Variants in POLB observed in about 807,000 individuals in gnomAD.
POLB encodes DNA polymerase beta.
POLB carries 37 observed loss-of-function variants against 52.7 expected under a neutral mutation model. The ratio of observed to expected loss-of-function variants is 0.70; its 90% CI spans 0.54 to 0.92. POLB has a LOEUF of 0.92. Among genes scored for constraint, POLB ranks in the 40% least tolerant of loss-of-function variants. The pLI is 0.00. For missense variants in POLB, 313 were observed against 400.8 expected, an observed-to-expected ratio of 0.78 and a Z score of 1.87; for synonymous variants, 138 against 131.3, an observed-to-expected ratio of 1.05 and a Z score of -0.35.
At chr8:42,360,749 TAA>T (rs540293292) in intron 9 of POLB, among the ~76,000 whole-genome samples, 3 of 142,672 alleles carry the variant, frequency 2.1e-5, no homozygotes, top group Non-Finnish European at 3.1e-5. Context: ...GTTTTCTTTT[TAA>T]AAAAAAAAAA....
intron 9 of POLB, 159 bp downstream of exon 9, chr8:42,357,551 T>G (rs930576012): frequency 2.0e-6 from 1 of 507,940 alleles, no homozygotes; most frequent in African/African-American, 2.0e-5. Flanking sequence ...GATGGGAATA[T>G]GTAACTAGGG....
In POLB at chr8:42,342,591, C is replaced by T. The variant is rs1413615493; in HGVS notation, c.120-2362C>T. ...GTCATCTTTAAGTTTCATTTGGTAT[C>T]TCTTAAAGTAGGCCTTATTCTTAAC... On this transcript the variant is annotated intron_variant, in intron 2 of 13. Transcript: ENST00000265421. 3 of 707,888 alleles carry T rather than the reference C, an allele frequency of 4.2e-6. No homozygotes were observed. The Admixed American group carries it at 6.0e-5, about 14-fold the overall frequency. 43.9% of individuals were successfully genotyped at this position (707,888 alleles called of 1,614,324 possible).
At chr8:42,352,988 T>TG (rs1166690645) in intron 6 of POLB, among the ~76,000 whole-genome samples, 6 of 150,806 alleles carry the variant, frequency 4.0e-5, no homozygotes, top group Admixed American at 4.0e-4. Context: ...GCAGGAGAAT[T>TG]GCTTGAACCC....
intron 7 of POLB, among the ~76,000 whole-genome samples, chr8:42,356,873 T>G (rs1211951995): frequency 6.6e-6 from 1 of 152,194 alleles, no homozygotes; most frequent in East Asian, 1.9e-4. Context: ...AACTTAAATA[T>G]ATTTATTTAC....
intron 3 of POLB, among the ~76,000 whole-genome samples, chr8:42,348,115 G>A (rs377527260): frequency 6.6e-6 from 1 of 152,180 alleles, no homozygotes; most frequent in Non-Finnish European, 1.5e-5. Flanking sequence ...CTTTCTGAAG[G>A]CTGCTTTGTC....
intron 9 of POLB, among the ~76,000 whole-genome samples, chr8:42,360,475 A>G (rs1273375086): frequency 2.6e-5 from 4 of 152,194 alleles, no homozygotes; most frequent in African/African-American, 4.8e-5. Flanking sequence ...ATGCTTTTAC[A>G]TATGTTCTTA....
intron 11 of POLB, among the ~76,000 whole-genome samples, chr8:42,366,787 A>G (rs1165452770): frequency 2.0e-5 from 3 of 152,236 alleles, no homozygotes; most frequent in Non-Finnish European, 4.4e-5. Context: ...TTATCTTTAA[A>G]ATTGATATTT....
intron 2 of POLB, chr8:42,342,517 T>C: frequency 1.1e-6 from 1 of 901,578 alleles, no homozygotes; most frequent in African/African-American, 1.6e-5. Context: ...TTTATTTTTA[T>C]CCTGTATTAC....
At chr8:42,370,685 A>G (rs1824325877) in intron 13 of POLB, among the ~76,000 whole-genome samples, 1 of 152,168 alleles carries the variant, frequency 6.6e-6, no homozygotes, top group South Asian at 2.1e-4. Flanking sequence ...GTAAGCTTCT[A>G]GATCAGAGGT....
intron 11 of POLB, among the ~76,000 whole-genome samples, chr8:42,368,708 T>TA (rs1261572958): frequency 6.6e-6 from 1 of 152,198 alleles, no homozygotes; most frequent in African/African-American, 2.4e-5. Context: ...ATATTTTTCT[T>TA]ATTTTCCGTG....
At chr8:42,352,604 A>G in intron 6 of POLB, 36 bp downstream of exon 6, 1 of 1,283,100 alleles carries the variant, frequency 7.8e-7, no homozygotes, top group Non-Finnish European at 1.1e-6. Context: ...TCCAGATTAA[A>G]TATGGTCCTG....
chr8:42,338,918 T>C (rs1822020786), intron 1 of POLB, 94 bp from the exon 2 acceptor site: 2 of 1,147,906 alleles, frequency 1.7e-6, no homozygotes, highest in Admixed American at 3.5e-5. Flanking sequence ...GGGTGGTCAC[T>C]GTCTCTTAGA....
At chr8:42,341,496 C>T (rs1418086087) in intron 2 of POLB, among the ~76,000 whole-genome samples, 1 of 152,168 alleles carries the variant, frequency 6.6e-6, no homozygotes, top group Non-Finnish European at 1.5e-5. Context: ...AAAGACTATC[C>T]AGTGTTTATG....
At chr8:42,349,919 C>CT (rs1178397115) in intron 4 of POLB, 88 bp from the exon 5 acceptor site, 1 of 910,904 alleles carries the variant, frequency 1.1e-6, no homozygotes, top group Non-Finnish European at 1.8e-6. Flanking sequence ...CTCTTCATGT[C>CT]TTTTAGCAGA....
chr8:42,338,576 C>T lies in POLB; in HGVS notation c.-49C>T. The T allele has an allele frequency of 6.5e-7, 1 of 1,539,642 alleles. No homozygotes were observed. The highest frequency in any genetic ancestry group is 9.0e-7 in the Non-Finnish European group (1 of 1,112,136). ...GTACCTCCTTCAAGCTGGGAGAGGG[C>T]TCTAGTCCCTGGTTCTGAACACTCT... On this transcript the variant is annotated 5_prime_UTR_variant, in exon 1 of 14. Coordinates refer to ENST00000265421, the MANE Select transcript of POLB (RefSeq NM_002690.3).
chr8:42,361,273 T>A, intron 9 of POLB, 22 bp from the exon 10 acceptor site: 1 of 1,574,408 alleles, frequency 6.4e-7, no homozygotes, highest in Non-Finnish European at 8.7e-7. Context: ...GACAATCTCA[T>A]ATGTGTCTTC....
rs2307156 is a variant in POLB at position 42,355,608 on chromosome 8, G to C, written c.422+41G>C. On this transcript the variant is annotated intron_variant, in intron 7 of 13. Coordinates refer to ENST00000265421, the MANE Select transcript of POLB (RefSeq NM_002690.3). ...TTCTTTTGACACTTGAGATATAAAAGTAAATTTTTTATAGACATTCTTTTA... is the reference window on the plus strand; with the variant it reads ...TTCTTTTGACACTTGAGATATAAAACTAAATTTTTTATAGACATTCTTTTA... 5.3e-3 allele frequency: 6,952 copies of C among 1,311,452 alleles called. 38 individuals carry two copies. Among genetic ancestry groups the C allele is most frequent in the Non-Finnish European group, 6.7e-3 (6,114 of 911,200 alleles). The allele number at this position is 1,311,452 out of a possible 1,614,324, so 81.2% of individuals were successfully genotyped here. A position where few individuals can be genotyped will look rare whatever the true frequency, so the allele number is the denominator to read the frequency against.
intron 2 of POLB, among the ~76,000 whole-genome samples, chr8:42,342,922 C>T (rs1822301702): frequency 6.6e-6 from 1 of 152,152 alleles, no homozygotes; most frequent in Non-Finnish European, 1.5e-5. Flanking sequence ...CGTGTGGTGG[C>T]TCATGCCTGT....
chr8:42,343,183 G>A (rs1402791867), intron 2 of POLB, among the ~76,000 whole-genome samples: 1 of 151,348 alleles, frequency 6.6e-6, no homozygotes, highest in Non-Finnish European at 1.5e-5. Flanking sequence ...TTAGCCAGGC[G>A]TGGTGGCGGG....
Sources: gnomAD v4.1 joint callset for allele counts (sites outside exome capture counted in the v4.1 genomes callset) on GRCh38, gnomAD v4.1.1 for gene constraint, MANE v1.5 for transcripts, NCBI Gene and HGNC (gene_info 2026-07-23, HGNC 2026-07-21) for gene names.